CDC45: variants seen among roughly 807,000 people sequenced by gnomAD.
CDC45 encodes cell division cycle 45.
Under a neutral mutation model 77.8 loss-of-function variants are expected in CDC45, and 54 were observed. The observed-to-expected ratio is 0.69, with a 90% CI of 0.56 to 0.87. CDC45 has a LOEUF of 0.87. Ranked by LOEUF, CDC45 falls within the 40% of genes least tolerant of loss-of-function variation. CDC45 has a pLI of 0.00. For synonymous variants in CDC45, 260 were observed against 272.1 expected (o/e 0.96, Z 0.44); for missense variants, 649 against 721.6 (o/e 0.90, Z 1.15).
At chr22:19,510,839 T>C (rs1294817622) in intron 13 of CDC45, among the ~76,000 whole-genome samples, 3 of 152,222 alleles carry the variant, frequency 2.0e-5, no homozygotes, top group African/African-American at 7.2e-5. Context: ...TGTCTTTTTA[T>C]TATAAATAAT....
intron 7 of CDC45, among the ~76,000 whole-genome samples, chr22:19,497,089 C>G (rs1323493210): frequency 6.6e-6 from 1 of 152,194 alleles, no homozygotes; most frequent in Non-Finnish European, 1.5e-5. Flanking sequence ...GAGGCCCCAG[C>G]CAGTGCTGCA....
At chr22:19,482,549 T>G in intron 3 of CDC45, 141 bp from the exon 4 acceptor site, 2 of 824,722 alleles carry the variant, frequency 2.4e-6, no homozygotes, top group Non-Finnish European at 1.8e-6. Flanking sequence ...AGCCTGGCCA[T>G]TTTTTGGAGT....
chr22:19,482,794 A>G lies in CDC45; in HGVS notation c.309A>G (p.Pro103=). ...TCTTTGTGTGTGACACCCATAGGCC[A>G]GTCAATGTCGTCAATGTATACAACG... ...TIFFVCDTHR[P]VNVVNVYNDT... The change falls in exon 4 of 19, where the codon CCA becomes CCG. Residue 103 remains proline (P), a synonymous_variant. Transcript: ENST00000263201. 1 of 1,614,070 alleles carries G rather than the reference A, an allele frequency of 6.2e-7. No homozygotes were observed.
intron 5 of CDC45, among the ~76,000 whole-genome samples, chr22:19,492,270 C>G (rs188412843): frequency 6.6e-6 from 1 of 152,202 alleles, no homozygotes; most frequent in African/African-American, 2.4e-5. Flanking sequence ...TATTTTTTCT[C>G]GGTTGTTCAG....
chr22:19,484,016 GTC>G lies in CDC45; in HGVS notation c.486+16_486+17del, dbSNP rs780246597. 5 of 1,589,756 alleles carry G rather than the reference GTC, an allele frequency of 3.1e-6. No individual in the cohort carries two copies. The highest frequency in any genetic ancestry group is 4.5e-5 in the East Asian group (2 of 44,330). On this transcript the variant is annotated intron_variant, in intron 5 of 18. Coordinates refer to ENST00000263201, the MANE Select transcript of CDC45 (RefSeq NM_003504.5). ...ACACGGTTAGAAGAGGTGAGTTTGG[GTC>G]TCTCACAGCTATCCCAGAGGAACTT...
intron 5 of CDC45, among the ~76,000 whole-genome samples, chr22:19,485,782 CCT>C (rs1217393177): frequency 1.3e-5 from 2 of 152,068 alleles, no homozygotes; most frequent in Non-Finnish European, 2.9e-5. Flanking sequence ...TATCCATGTA[CCT>C]TCAATCTAGA....
rs909165639 is a variant in CDC45 at position 19,506,202 on chromosome 22, A to G, written c.824+721A>G. On this transcript the variant is annotated intron_variant, in intron 10 of 18. Transcript: ENST00000263201. ...GGAGCTGCCCTGTCTCTGCACTGTG[A>G]TGGCTGGGAAGGAGGAAGAGTGAGG... Among the ~76,000 whole-genome samples the G allele has an allele frequency of 3.3e-5, 5 of 152,092 alleles. No homozygotes were observed. In the South Asian group the frequency reaches 1.0e-3, roughly 32 times the overall value.
At chr22:19,495,342 T>C (rs2090223462) in intron 6 of CDC45, among the ~76,000 whole-genome samples, 1 of 152,272 alleles carries the variant, frequency 6.6e-6, no homozygotes, top group Non-Finnish European at 1.5e-5. Flanking sequence ...TTTGCCATTA[T>C]AAATAAGGCT....
At chr22:19,517,757 A>G (rs1933879816) in intron 17 of CDC45, among the ~76,000 whole-genome samples, 2 of 152,166 alleles carry the variant, frequency 1.3e-5, no homozygotes, top group Admixed American at 6.5e-5. Context: ...TTCATCTTCC[A>G]AGGACACCAG....
At chr22:19,488,086 G>T (rs372944653) in intron 5 of CDC45, among the ~76,000 whole-genome samples, 186 of 152,234 alleles carry the variant, frequency 1.2e-3, no homozygotes, top group African/African-American at 3.9e-3. Flanking sequence ...CTATAATATC[G>T]TGGCTCAGGT....
intron 17 of CDC45, among the ~76,000 whole-genome samples, chr22:19,518,023 C>T (rs1933895995): frequency 6.6e-6 from 1 of 152,248 alleles, no homozygotes; most frequent in African/African-American, 2.4e-5. Context: ...TCAGAGCTGC[C>T]TTCCTTGAGC....
intron 5 of CDC45, among the ~76,000 whole-genome samples, chr22:19,493,003 C>T (rs1419583188): frequency 2.0e-5 from 3 of 152,192 alleles, no homozygotes; most frequent in African/African-American, 7.2e-5. Context: ...GTTGCAGTCT[C>T]AGTTCCCTCC....
intron 13 of CDC45, among the ~76,000 whole-genome samples, chr22:19,513,383 C>A (rs1398341218): frequency 6.6e-6 from 1 of 152,158 alleles, no homozygotes; most frequent in Non-Finnish European, 1.5e-5. Flanking sequence ...TAAACTATTC[C>A]AGAGACAATC....
intron 8 of CDC45, among the ~76,000 whole-genome samples, chr22:19,497,973 G>A (rs1356420819): frequency 6.6e-6 from 1 of 151,740 alleles, no homozygotes; most frequent in Non-Finnish European, 1.5e-5. Flanking sequence ...TTCGAGACCA[G>A]CCTGGCCAAC....
chr22:19,494,138 TC>T (rs1434223747), intron 5 of CDC45, among the ~76,000 whole-genome samples, 188 bp from the exon 6 acceptor site: 1 of 151,916 alleles, frequency 6.6e-6, no homozygotes, highest in African/African-American at 2.4e-5. Flanking sequence ...CCAGAAGGGG[TC>T]ACAGCCATCC....
chr22:19,517,772 A>G (rs1397623852), intron 17 of CDC45, among the ~76,000 whole-genome samples: 1 of 152,184 alleles, frequency 6.6e-6, no homozygotes, highest in Non-Finnish European at 1.5e-5. Context: ...CACCAGACAG[A>G]TTGGATTAGA....
intron 17 of CDC45, among the ~76,000 whole-genome samples, chr22:19,517,206 C>T (rs1037151868): frequency 1.3e-5 from 2 of 152,382 alleles, no homozygotes; most frequent in African/African-American, 4.8e-5. Flanking sequence ...CCGTGTGCCC[C>T]GATCTCACCT....
At chr22:19,504,577 G>A (rs553089919) in intron 9 of CDC45, among the ~76,000 whole-genome samples, 1 of 152,090 alleles carries the variant, frequency 6.6e-6, no homozygotes, top group Non-Finnish European at 1.5e-5. Context: ...GGGATTACAG[G>A]CATGAGCCAC....
chr22:19,481,022 G>T lies in CDC45; in HGVS notation c.181G>T (p.Ala61Ser). ...PVSGWQELET[A>S]FLEHKEQFHY... The stretch of plus-strand genomic sequence containing the variant: ...TTCTGGGTGGCAAGAACTTGAAACT[G>T]CATTTCTTGAGCATAAAGAACAGGT... Residue 61 changes from alanine (A) to serine (S), a missense_variant, in exon 3 of 19, where the codon GCA becomes TCA. Physicochemically the swap from Ala to Ser is moderately conservative, Grantham distance 99. Coordinates refer to ENST00000263201, the MANE Select transcript of CDC45 (RefSeq NM_003504.5). 6.2e-7 allele frequency: 1 copy of T among 1,612,732 alleles called. No individual in the cohort carries two copies. The highest frequency in any genetic ancestry group is 8.5e-7 in the Non-Finnish European group (1 of 1,178,888).
Sources: allele counts gnomAD v4.1 joint callset (sites outside exome capture counted in the v4.1 genomes callset), GRCh38; gene constraint gnomAD v4.1.1; transcripts MANE v1.5; gene names NCBI Gene and HGNC (gene_info 2026-07-23, HGNC 2026-07-21).